KCNMB2: variants seen among roughly 807,000 people sequenced by gnomAD.
KCNMB2 encodes the protein calcium-activated potassium channel subunit beta-2.
KCNMB2 carries 9 observed loss-of-function variants against 24.5 expected under a neutral mutation model. The observed-to-expected ratio is 0.37, with a 90% CI of 0.22 to 0.64. The LOEUF (loss-of-function observed/expected upper bound fraction) is 0.64. Ranked by LOEUF, KCNMB2 falls within the 30% of genes least tolerant of loss-of-function variation. KCNMB2 has a pLI of 0.63. For synonymous variants in KCNMB2, 109 were observed against 104.4 expected, an observed-to-expected ratio of 1.04 and a Z score of -0.27; for missense variants, 226 against 284.3, an observed-to-expected ratio of 0.79 and a Z score of 1.47.
At chr3:178,590,792 G>T (rs558529564) in intron 1 of KCNMB2, among the ~76,000 whole-genome samples, 7 of 152,264 alleles carry the variant, frequency 4.6e-5, no homozygotes, top group African/African-American at 1.7e-4. Context: ...TCATGCCAGT[G>T]CCCAGGCCCT....
At chr3:178,581,569 A>G (rs1163915040) in intron 1 of KCNMB2, among the ~76,000 whole-genome samples, 1 of 152,234 alleles carries the variant, frequency 6.6e-6, no homozygotes, top group Non-Finnish European at 1.5e-5. Flanking sequence ...CTATCATCAG[A>G]GTGGTCAGGC....
At chr3:178,567,261 C>T (rs1347624448) in intron 1 of KCNMB2, among the ~76,000 whole-genome samples, 1 of 151,956 alleles carries the variant, frequency 6.6e-6, no homozygotes. Flanking sequence ...CTAAATAGCT[C>T]ACTTAAGCAT....
intron 1 of KCNMB2, among the ~76,000 whole-genome samples, chr3:178,686,073 C>T (rs955802414): frequency 3.8e-4 from 58 of 151,878 alleles, no homozygotes; most frequent in African/African-American, 1.4e-3. Flanking sequence ...AGATAATAAA[C>T]CTTGATGGTC....
chr3:178,716,679 G>C (rs540074635), intron 1 of KCNMB2, among the ~76,000 whole-genome samples: 47 of 152,272 alleles, frequency 3.1e-4, no homozygotes, highest in African/African-American at 1.0e-3. Flanking sequence ...CTGACCTCAA[G>C]TGATTTGCCC....
rs539074650 is a variant in KCNMB2, at chr3:178,671,657, A to G, written c.-68+134946A>G. ...TTAACAGAGAGCAGAGAAAGGCTGC[A>G]TTGCATTAGACAGCGTGCATTTCAG... On this transcript the variant is annotated intron_variant, in intron 1 of 4. Coordinates refer to ENST00000452583, the MANE Select transcript of KCNMB2 (RefSeq NM_181361.3). 7.9e-4 allele frequency among the ~76,000 whole-genome samples: 121 copies of G among 152,298 alleles called. 1 individual carries two copies. The highest frequency in any genetic ancestry group is 1.6e-3 in the Non-Finnish European group (106 of 68,016).
chr3:178,803,816 C>T (rs540491986), intron 1 of KCNMB2, among the ~76,000 whole-genome samples: 3 of 152,144 alleles, frequency 2.0e-5, no homozygotes, highest in East Asian at 3.9e-4. Flanking sequence ...AAGGAATGGC[C>T]GAACTGAATC....
chr3:178,823,350 G>A (rs1431590307), intron 2 of KCNMB2, among the ~76,000 whole-genome samples: 1 of 152,148 alleles, frequency 6.6e-6, no homozygotes, highest in East Asian at 1.9e-4. Flanking sequence ...ATGACCATGA[G>A]CAGCCAAGAG....
At chr3:178,808,262 G>GAC (rs1714056994) in intron 2 of KCNMB2, among the ~76,000 whole-genome samples, 2 of 152,108 alleles carry the variant, frequency 1.3e-5, no homozygotes, top group South Asian at 4.1e-4. Context: ...TAAATATTTA[G>GAC]TCTTCCTCTT....
chr3:178,615,318 CA>C (rs1165922811), intron 1 of KCNMB2, among the ~76,000 whole-genome samples: 1 of 152,226 alleles, frequency 6.6e-6, no homozygotes, highest in African/African-American at 2.4e-5. Context: ...CTACAGTCAG[CA>C]GGTGGCAAAG....
At position 178,682,035 on chromosome 3, in the gene KCNMB2, A is replaced by G. The variant is rs372920446; in HGVS notation, c.-67-125308A>G. On this transcript the variant is annotated intron_variant, in intron 1 of 4. Transcript: ENST00000452583. Reference sequence around the variant, plus strand: ...CACTCATTTTTTCTCAAAGCCTGCTAATTTTTGTGTTACAGTTTTCTAAAT... The same window carrying G: ...CACTCATTTTTTCTCAAAGCCTGCTGATTTTTGTGTTACAGTTTTCTAAAT... 2.0e-5 allele frequency among the ~76,000 whole-genome samples: 3 copies of G among 152,216 alleles called. No homozygotes were observed. The South Asian group carries it at 6.2e-4, about 32-fold the overall frequency.
At chr3:178,826,447 A>G (rs1404057939) in intron 3 of KCNMB2, among the ~76,000 whole-genome samples, 1 of 152,176 alleles carries the variant, frequency 6.6e-6, no homozygotes, top group Non-Finnish European at 1.5e-5. Flanking sequence ...TTTCATTTCA[A>G]TATTTGCTGT....
At chr3:178,681,269 T>A in intron 1 of KCNMB2, among the ~76,000 whole-genome samples, 1 of 72,588 alleles carries the variant, frequency 1.4e-5, no homozygotes, top group Admixed American at 1.2e-4. Flanking sequence ...AGCCAAATAG[T>A]ATAACAATAC....
At chr3:178,670,362 G>C (rs1720860129) in intron 1 of KCNMB2, among the ~76,000 whole-genome samples, 2 of 151,866 alleles carry the variant, frequency 1.3e-5, no homozygotes, top group Non-Finnish European at 1.5e-5. Flanking sequence ...TTCTGCAAAG[G>C]GGTGGGGATT....
At chr3:178,795,832 A>G (rs1713521220) in intron 1 of KCNMB2, among the ~76,000 whole-genome samples, 2 of 152,232 alleles carry the variant, frequency 1.3e-5, no homozygotes, top group African/African-American at 4.8e-5. Flanking sequence ...AAATAAAAAT[A>G]GATTATGTGT....
At chr3:178,629,741 A>C (rs1313375145) in intron 1 of KCNMB2, among the ~76,000 whole-genome samples, 1 of 152,212 alleles carries the variant, frequency 6.6e-6, no homozygotes, top group East Asian at 1.9e-4. Context: ...TCAATAAATA[A>C]AATGTCAAGA....
intron 1 of KCNMB2, among the ~76,000 whole-genome samples, chr3:178,570,495 T>C (rs1164327033): frequency 6.7e-6 from 1 of 149,594 alleles, no homozygotes; most frequent in East Asian, 2.0e-4. Flanking sequence ...CTTCTGAACA[T>C]TGACCAAAGG....
At chr3:178,579,375 T>C (rs1238309655) in intron 1 of KCNMB2, among the ~76,000 whole-genome samples, 1 of 152,128 alleles carries the variant, frequency 6.6e-6, no homozygotes, top group Non-Finnish European at 1.5e-5. Flanking sequence ...AAGCAGTGTT[T>C]AGAGGGAAAT....
intron 1 of KCNMB2, among the ~76,000 whole-genome samples, chr3:178,548,205 C>T (rs929617023): frequency 4.6e-5 from 7 of 152,126 alleles, no homozygotes; most frequent in African/African-American, 1.4e-4. Context: ...AAAAACATCA[C>T]TTCATGTGGC....
intron 3 of KCNMB2, among the ~76,000 whole-genome samples, chr3:178,826,234 G>A (rs1384436474): frequency 1.3e-5 from 2 of 151,908 alleles, no homozygotes; most frequent in Non-Finnish European, 2.9e-5. Context: ...GTTCTCAACT[G>A]TATATTCCAA....
Sources: gnomAD v4.1 joint callset for allele counts (sites outside exome capture counted in the v4.1 genomes callset) on GRCh38, gnomAD v4.1.1 for gene constraint, MANE v1.5 for transcripts, NCBI Gene and HGNC (gene_info 2026-07-23, HGNC 2026-07-21) for gene names.